Variants in KCNC2 observed in about 807,000 individuals in gnomAD.
KCNC2 encodes voltage-gated potassium channel KCNC2.
In KCNC2, 21 loss-of-function variants were observed where a neutral mutation model predicts 44.5. That is an observed-to-expected ratio of 0.47 (90% CI 0.33 to 0.68). The LOEUF (loss-of-function observed/expected upper bound fraction) is 0.68. KCNC2 is among the 30% of genes least tolerant of loss of function. KCNC2 has a pLI of 0.01. For missense variants in KCNC2, 589 were observed against 826.2 expected (o/e 0.71, Z 3.52); for synonymous variants, 391 against 339.1 (o/e 1.15, Z -1.68).
intron 2 of KCNC2, among the ~76,000 whole-genome samples, chr12:75,127,425 T>C (rs1888510692): frequency 6.6e-6 from 1 of 152,060 alleles, no homozygotes; most frequent in Non-Finnish European, 1.5e-5. Context: ...ATTCTAGTGA[T>C]TGGAATTAAT....
intron 2 of KCNC2, among the ~76,000 whole-genome samples, chr12:75,102,165 C>G (rs1269261322): frequency 6.6e-6 from 1 of 151,914 alleles, no homozygotes; most frequent in Non-Finnish European, 1.5e-5. Flanking sequence ...GGAAGAAGGA[C>G]TTAGGTAGTT....
At chr12:75,125,850 T>G in intron 2 of KCNC2, among the ~76,000 whole-genome samples, 1 of 152,202 alleles carries the variant, frequency 6.6e-6, no homozygotes, top group East Asian at 1.9e-4. Context: ...TCTCTCTTCC[T>G]CATTCCTCAT....
intron 2 of KCNC2, among the ~76,000 whole-genome samples, chr12:75,158,029 G>A (rs1171371331): frequency 6.6e-6 from 1 of 151,816 alleles, no homozygotes; most frequent in Admixed American, 6.6e-5. Context: ...GCAAAATTTT[G>A]TCATTAATCT....
chr12:75,151,070 T>C (rs1205125253), intron 2 of KCNC2, among the ~76,000 whole-genome samples: 1 of 151,970 alleles, frequency 6.6e-6, no homozygotes, highest in Non-Finnish European at 1.5e-5. Flanking sequence ...AGTCAAAAGA[T>C]TTTGAATTTC....
intron 2 of KCNC2, among the ~76,000 whole-genome samples, chr12:75,159,988 T>G (rs1227610071): frequency 6.6e-6 from 1 of 151,810 alleles, no homozygotes; most frequent in Admixed American, 6.6e-5. Flanking sequence ...GAAAAATATA[T>G]AAATGAATGA....
At chr12:75,184,639 C>T (rs1285428150) in intron 2 of KCNC2, among the ~76,000 whole-genome samples, 1 of 151,930 alleles carries the variant, frequency 6.6e-6, no homozygotes, top group Non-Finnish European at 1.5e-5. Flanking sequence ...CCTTATGTTG[C>T]TTGATAAAAA....
intron 2 of KCNC2, among the ~76,000 whole-genome samples, chr12:75,113,778 G>C (rs930568159): frequency 6.6e-6 from 1 of 152,172 alleles, no homozygotes; most frequent in Non-Finnish European, 1.5e-5. Flanking sequence ...TCTTGATTCT[G>C]AAGTGCAGTC....
intron 2 of KCNC2, among the ~76,000 whole-genome samples, chr12:75,059,592 A>T (rs1284341599): frequency 6.6e-6 from 1 of 152,122 alleles, no homozygotes; most frequent in East Asian, 1.9e-4. Context: ...TTTTCATTAA[A>T]ATGTTAGCTC....
chr12:75,122,209 G>A (rs917679559), intron 2 of KCNC2, among the ~76,000 whole-genome samples: 1 of 152,194 alleles, frequency 6.6e-6, no homozygotes, highest in Non-Finnish European at 1.5e-5. Context: ...ATTTGTTTGT[G>A]TTGGGGAGAA....
intron 2 of KCNC2, among the ~76,000 whole-genome samples, chr12:75,115,337 A>G (rs1887581664): frequency 6.6e-6 from 1 of 152,196 alleles, no homozygotes; most frequent in African/African-American, 2.4e-5. Context: ...CGATACTTCT[A>G]TGAGGTAGGC....
intron 2 of KCNC2, among the ~76,000 whole-genome samples, chr12:75,069,408 T>A (rs1010640782): frequency 7.2e-5 from 11 of 152,050 alleles, no homozygotes; most frequent in African/African-American, 2.7e-4. Context: ...AGTGCTGGGA[T>A]TACAGGTGTG....
chr12:75,196,757 C>G (rs1165012812), intron 2 of KCNC2, among the ~76,000 whole-genome samples: 1 of 151,990 alleles, frequency 6.6e-6, no homozygotes, highest in Non-Finnish European at 1.5e-5. Flanking sequence ...AGAAGTCAGC[C>G]AGTTAGTTAC....
At chr12:75,101,138 T>C (rs922272302) in intron 2 of KCNC2, among the ~76,000 whole-genome samples, 2 of 152,138 alleles carry the variant, frequency 1.3e-5, no homozygotes, top group African/African-American at 4.8e-5. Flanking sequence ...TCAAACCTTA[T>C]ATTTATTATA....
intron 2 of KCNC2, among the ~76,000 whole-genome samples, chr12:75,078,811 A>G (rs1032936388): frequency 1.3e-5 from 2 of 152,186 alleles, no homozygotes; most frequent in Non-Finnish European, 2.9e-5. Context: ...TGTAATCTAC[A>G]TTCTTGCTCT....
chr12:75,182,529 A>AC (rs1555172472), intron 2 of KCNC2, among the ~76,000 whole-genome samples: 212 of 138,446 alleles, frequency 1.5e-3, no homozygotes, highest in African/African-American at 5.0e-3. Context: ...TCAAAAAAAA[A>AC]AAAAAAAACA....
intron 2 of KCNC2, among the ~76,000 whole-genome samples, chr12:75,128,159 A>T (rs1565877230): frequency 6.6e-6 from 1 of 152,132 alleles, no homozygotes; most frequent in Non-Finnish European, 1.5e-5. Flanking sequence ...CATAAAATGA[A>T]ATTATTTTAA....
intron 4 of KCNC2, among the ~76,000 whole-genome samples, chr12:75,047,628 C>A (rs1438687015): frequency 6.6e-6 from 1 of 151,972 alleles, no homozygotes; most frequent in Non-Finnish European, 1.5e-5. Flanking sequence ...CTGCGGATCA[C>A]GAGCCTTTGC....
chr12:75,129,983 A>G (rs1010733523), intron 2 of KCNC2, among the ~76,000 whole-genome samples: 2 of 152,206 alleles, frequency 1.3e-5, no homozygotes, highest in African/African-American at 4.8e-5. Context: ...TATAGTACCC[A>G]TAATATGCCA....
intron 2 of KCNC2, among the ~76,000 whole-genome samples, chr12:75,095,570 T>A (rs1016743565): frequency 6.6e-6 from 1 of 151,826 alleles, no homozygotes; most frequent in Non-Finnish European, 1.5e-5. Context: ...GGTATACATG[T>A]TATTTTACTA....
Sources: gnomAD v4.1 joint callset for allele counts (sites outside exome capture counted in the v4.1 genomes callset) on GRCh38, gnomAD v4.1.1 for gene constraint, MANE v1.5 for transcripts, NCBI Gene and HGNC (gene_info 2026-07-23, HGNC 2026-07-21) for gene names.